HSD17B4: variants seen among roughly 807,000 people sequenced by gnomAD.
The protein encoded by HSD17B4 is peroxisomal multifunctional enzyme type 2.
A neutral mutation model predicts 101.0 loss-of-function variants in HSD17B4; 70 were observed. The observed-to-expected ratio is 0.69, with a 90% confidence interval of 0.57 to 0.85. The LOEUF (loss-of-function observed/expected upper bound fraction) is 0.85. Ranked by LOEUF, HSD17B4 falls within the 40% of genes least tolerant of loss-of-function variation. The pLI is 0.00. For missense variants in HSD17B4, 984 were observed against 892.4 expected, an observed-to-expected ratio of 1.10 and a Z score of -1.31; for synonymous variants, 347 against 297.1, an observed-to-expected ratio of 1.17 and a Z score of -1.73.
chr5:119,525,777 A>G (rs1245389861), intron 18 of HSD17B4, 140 bp from the exon 19 acceptor site: 1 of 609,010 alleles, frequency 1.6e-6, no homozygotes, highest in East Asian at 2.8e-5. Flanking sequence ...TTTAAAAAAT[A>G]TCTACTGTGT....
chr5:119,456,189 G>T (rs1489948942), intron 1 of HSD17B4, 126 bp from the exon 2 acceptor site: 3 of 729,638 alleles, frequency 4.1e-6, no homozygotes, highest in Non-Finnish European at 7.7e-6. Flanking sequence ...TGATAGGATA[G>T]GTTGAGAGTA....
intron 9 of HSD17B4, 69 bp downstream of exon 9, chr5:119,489,352 A>C: frequency 1.1e-6 from 1 of 936,222 alleles, no homozygotes; most frequent in Non-Finnish European, 1.8e-6. Flanking sequence ...AATCTGTACC[A>C]GTGGACATCA....
Position 119,526,209 on chromosome 5 carries a change from C to T in HSD17B4, c.1680+186C>T, listed in dbSNP as rs11746780. Among the ~76,000 whole-genome samples, 16,023 of 151,610 alleles carry T rather than the reference C, an allele frequency of 0.11. 1,129 individuals are homozygous for T. The highest frequency in any genetic ancestry group is 0.2 in the African/African-American group (8,207 of 41,336). ...GCTATAAATAGCTCTGTTGCACATG[C>T]ACCAGGAAGGATGCACAGTTGCAAT... On this transcript the variant is annotated intron_variant, in intron 19 of 23. Coordinates refer to ENST00000510025, the MANE Select transcript of HSD17B4 (RefSeq NM_000414.4).
chr5:119,467,416 A>T (rs2126656829), intron 2 of HSD17B4, among the ~76,000 whole-genome samples: 1 of 152,322 alleles, frequency 6.6e-6, no homozygotes, highest in South Asian at 2.1e-4. Context: ...TATTGTGTTG[A>T]AGTCTATCTT....
Position 119,509,181 on chromosome 5 carries a change from G to A in HSD17B4, c.1374G>A (p.Gln458=). 1 of 1,608,072 alleles carries A rather than the reference G, an allele frequency of 6.2e-7. No homozygotes were observed. Residue 458 remains glutamine, a synonymous_variant, in exon 16 of 24, where the codon CAG becomes CAA. Coordinates refer to ENST00000510025, the MANE Select transcript of HSD17B4 (RefSeq NM_000414.4). ...AGAAGGAACTTATATGCCACAATCA[G>A]TTCTCTCTCTTTCTTGTTGGCTCTG... ...YSEKELICHN[Q]FSLFLVGSGG...
intron 23 of HSD17B4, among the ~76,000 whole-genome samples, chr5:119,538,332 A>T (rs1450373056): frequency 2.0e-5 from 3 of 152,114 alleles, no homozygotes; most frequent in South Asian, 2.1e-4. Context: ...CTCTCTAGGG[A>T]TATCACTGTG....
rs1230713848 is a variant in HSD17B4, at chr5:119,499,240, C to T, written c.973-77C>T. On this transcript the variant is annotated intron_variant, in intron 12 of 23. Coordinates refer to ENST00000510025, the MANE Select transcript of HSD17B4 (RefSeq NM_000414.4). ...CATTCTAGTCACATCTATTCAAAAA[C>T]AAAACTAGGTATGTAAGAAGTTAAT... The T allele has an allele frequency of 4.2e-6, 4 of 961,054 alleles. No homozygotes were observed. In the African/African-American group the frequency reaches 4.9e-5, roughly 12 times the overall value. The allele number at this position is 961,054 out of a possible 1,614,324, so 59.5% of individuals were successfully genotyped here. A position where few individuals can be genotyped will look rare whatever the true frequency, so the allele number is the denominator to read the frequency against.
intron 8 of HSD17B4, among the ~76,000 whole-genome samples, chr5:119,485,956 T>G (rs1247219017): frequency 1.3e-5 from 2 of 152,200 alleles, no homozygotes; most frequent in African/African-American, 2.4e-5. Flanking sequence ...TTTAATGATG[T>G]TTTAATTAAG....
chr5:119,489,875 A>G lies in HSD17B4; in HGVS notation c.714+592A>G, dbSNP rs185134022. Among the ~76,000 whole-genome samples, 275 of 152,250 alleles carry G rather than the reference A, an allele frequency of 1.8e-3. 6 individuals are homozygous for G. In the South Asian group the frequency reaches 0.049, roughly 27 times the overall value. ...GCTTTAAATGTTTATTATAAAAATA[A>G]TTATCCACACATAATCCCATCATGC... On this transcript the variant is annotated intron_variant, in intron 9 of 23. Coordinates refer to ENST00000510025, the MANE Select transcript of HSD17B4 (RefSeq NM_000414.4).
intron 4 of HSD17B4, among the ~76,000 whole-genome samples, chr5:119,475,174 A>G (rs1486966268): frequency 6.6e-6 from 1 of 152,172 alleles, no homozygotes; most frequent in African/African-American, 2.4e-5. Flanking sequence ...AACCACAAAA[A>G]TGTGAAATCA....
intron 21 of HSD17B4, among the ~76,000 whole-genome samples, chr5:119,530,591 G>A (rs890928496): frequency 1.3e-5 from 2 of 150,838 alleles, no homozygotes; most frequent in African/African-American, 4.9e-5. Context: ...GGTGCCTCAC[G>A]CCTGTAATCC....
In HSD17B4 at chr5:119,477,519, T is replaced by C; in HGVS notation, c.434+18T>C. On this transcript the variant is annotated intron_variant, in intron 7 of 23. Transcript: ENST00000510025. ...TATGGAAGGTAGAGTTGCATGTGGTTGTCAAGGGGGATTTAAGATGTTGTG... is the reference window on the plus strand; with the variant it reads ...TATGGAAGGTAGAGTTGCATGTGGTCGTCAAGGGGGATTTAAGATGTTGTG... 1 of 1,548,752 alleles carries C rather than the reference T, an allele frequency of 6.5e-7. No individual in the cohort carries two copies. Among genetic ancestry groups the C allele is most frequent in the South Asian group, 1.1e-5 (1 of 89,812 alleles).
At chr5:119,511,688 A>G (rs771459375) in intron 16 of HSD17B4, among the ~76,000 whole-genome samples, 10 of 152,198 alleles carry the variant, frequency 6.6e-5, no homozygotes, top group Admixed American at 1.3e-4. Context: ...GAGGAGCAAT[A>G]TCAGAGGCTG....
chr5:119,520,683 C>CT (rs1236464298), intron 17 of HSD17B4, among the ~76,000 whole-genome samples: 2 of 151,408 alleles, frequency 1.3e-5, no homozygotes, highest in African/African-American at 2.4e-5. Flanking sequence ...TAACCCCCAC[C>CT]TTTTTTTTTC....
At chr5:119,530,365 C>T (rs1056474058) in intron 21 of HSD17B4, among the ~76,000 whole-genome samples, 2 of 151,872 alleles carry the variant, frequency 1.3e-5, no homozygotes, top group Admixed American at 1.3e-4. Flanking sequence ...ATATATAAAC[C>T]AGCAGCGTGT....
At chr5:119,531,754 G>A (rs896189828) in intron 22 of HSD17B4, among the ~76,000 whole-genome samples, 1 of 151,982 alleles carries the variant, frequency 6.6e-6, no homozygotes, top group Non-Finnish European at 1.5e-5. Context: ...AATTCATCAA[G>A]TCAAAATGAA....
chr5:119,541,966 T>A lies in HSD17B4; in HGVS notation c.2183T>A (p.Met728Lys). 6.2e-7 allele frequency: 1 copy of A among 1,612,828 alleles called. No homozygotes were observed. The highest frequency in any genetic ancestry group is 8.5e-7 in the Non-Finnish European group (1 of 1,179,090). ...GNIMLSQKLQ[M>K]ILKDYAKL Reference sequence around the variant, plus strand: ...ATCATGCTGAGCCAGAAACTTCAGATGATTCTTAAAGACTACGCCAAGCTC... The same window carrying A: ...ATCATGCTGAGCCAGAAACTTCAGAAGATTCTTAAAGACTACGCCAAGCTC... Residue 728 changes from methionine (M) to lysine (K), a missense_variant, in exon 24 of 24, where the codon ATG (methionine) becomes AAG (lysine). Physicochemically the swap from Met to Lys is moderately conservative, Grantham distance 95 (BLOSUM62 -1). Transcript: ENST00000510025.
At chr5:119,531,189 G>T in intron 21 of HSD17B4, 77 bp from the exon 22 acceptor site, 1 of 1,438,388 alleles carries the variant, frequency 7.0e-7, no homozygotes, top group Non-Finnish European at 9.7e-7. Context: ...TCTTTTTTTT[G>T]CACATGTTTT....
chr5:119,462,708 A>G (rs1371712322), intron 2 of HSD17B4, among the ~76,000 whole-genome samples: 1 of 151,892 alleles, frequency 6.6e-6, no homozygotes, highest in Non-Finnish European at 1.5e-5. Context: ...TGTACCAATG[A>G]TTTTCTTTTC....
Sources: gnomAD v4.1 joint callset for allele counts (sites outside exome capture counted in the v4.1 genomes callset) on GRCh38, gnomAD v4.1.1 for gene constraint, MANE v1.5 for transcripts, NCBI Gene and HGNC (gene_info 2026-07-23, HGNC 2026-07-21) for gene names.